The following PACRGL variants were observed in gnomAD, a reference collection of about 807,000 sequenced individuals.
The protein encoded by PACRGL is PACRG-like protein.
A neutral mutation model predicts 34.5 loss-of-function variants in PACRGL; 38 were observed. The observed-to-expected ratio is 1.10, with a 90% confidence interval of 0.85 to 1.44. PACRGL has a LOEUF of 1.44. PACRGL is among the 40% of genes most tolerant of loss of function. The pLI is 0.00. For missense variants in PACRGL, 305 were observed against 281.4 expected, an observed-to-expected ratio of 1.08 and a Z score of -0.60; for synonymous variants, 128 against 100.1, an observed-to-expected ratio of 1.28 and a Z score of -1.66.
At chr4:20,748,638 AGAG>A (rs1752960542) in intron 8 of PACRGL, among the ~76,000 whole-genome samples, 1 of 144,940 alleles carries the variant, frequency 6.9e-6, no homozygotes, top group Non-Finnish European at 1.5e-5. Context: ...TATATGGAAA[AGAG>A]AAACTGGAAT....
rs1234501278 is a variant in PACRGL, at chr4:20,729,778, G to A, written c.*2437G>A. 2 of 263,680 alleles carry A rather than the reference G, an allele frequency of 7.6e-6. No homozygotes were observed. The highest frequency in any genetic ancestry group is 6.7e-5 in the East Asian group (1 of 14,858). 16.3% of individuals were successfully genotyped at this position (263,680 alleles called of 1,614,324 possible). A position where few individuals can be genotyped will look rare whatever the true frequency, so the allele number is the denominator to read the frequency against. ...ATTTTAAAATCACTGATATGTGAAA[G>A]CCTCAATAATCCCATGGCTAAGGAA... On this transcript the variant is annotated 3_prime_UTR_variant, in exon 9 of 9. Transcript: ENST00000503585.
chr4:20,719,597 C>T (rs1236692075), intron 7 of PACRGL, among the ~76,000 whole-genome samples: 1 of 152,356 alleles, frequency 6.6e-6, no homozygotes, highest in Non-Finnish European at 1.5e-5. Flanking sequence ...ATCCAGCAGT[C>T]ATTCCGGAGC....
intron 4 of PACRGL, among the ~76,000 whole-genome samples, chr4:20,708,182 A>G (rs1258474996): frequency 6.6e-6 from 1 of 152,134 alleles, no homozygotes; most frequent in African/African-American, 2.4e-5. Context: ...AAAAAATCCT[A>G]TCTTGTTGGT....
At chr4:20,755,190 AAC>A (rs1754286201), downstream of PACRGL, among the ~76,000 whole-genome samples, 1 of 152,164 alleles carries the variant, frequency 6.6e-6, no homozygotes. Context: ...TTCACTTAAT[AAC>A]AGTCTTCCTG....
chr4:20,702,630 A>G (rs1386852520), intron 1 of PACRGL: 3 of 117,738 alleles, frequency 2.5e-5, no homozygotes, highest in East Asian at 4.1e-4. Context: ...GAGGAAACTG[A>G]TGCATTTTTT....
At chr4:20,740,099 C>T (rs1020392501) in intron 8 of PACRGL, among the ~76,000 whole-genome samples, 1 of 152,184 alleles carries the variant, frequency 6.6e-6, no homozygotes, top group Non-Finnish European at 1.5e-5. Context: ...AAGGCCAAAT[C>T]TACGTCTGAT....
At chr4:20,749,618 A>C (rs1175371495) in intron 8 of PACRGL, 1 of 1,365,696 alleles carries the variant, frequency 7.3e-7, no homozygotes, top group Non-Finnish European at 1.0e-6. Context: ...TAAAAAGACT[A>C]AACTCTAAAT....
intron 8 of PACRGL, 150 bp from the exon 9 acceptor site, chr4:20,727,135 T>C: frequency 1.6e-6 from 1 of 641,072 alleles, no homozygotes; most frequent in Non-Finnish European, 2.7e-6. Context: ...TTTATTTAAC[T>C]CAGCAAAAAG....
chr4:20,721,466 T>G (rs1040650571), intron 7 of PACRGL, among the ~76,000 whole-genome samples: 1 of 152,162 alleles, frequency 6.6e-6, no homozygotes, highest in African/African-American at 2.4e-5. Flanking sequence ...TTATGTACCT[T>G]TGGTCTTTGA....
chr4:20,736,396 AT>A (rs769447689), downstream of PACRGL, among the ~76,000 whole-genome samples: 5 of 152,088 alleles, frequency 3.3e-5, no homozygotes, highest in African/African-American at 4.8e-5. Context: ...TAAATGAGAT[AT>A]TTTTTTCTAT....
chr4:20,751,884 C>T (rs942530214), intron 8 of PACRGL, among the ~76,000 whole-genome samples: 2 of 152,210 alleles, frequency 1.3e-5, no homozygotes, highest in East Asian at 3.9e-4. Context: ...CCAGTCTAGA[C>T]AATCTATGCA....
intron 5 of PACRGL, 41 bp from the exon 6 acceptor site, chr4:20,712,747 G>T (rs758934466): frequency 7.2e-7 from 1 of 1,392,174 alleles, no homozygotes; most frequent in Admixed American, 2.6e-5. Context: ...TTAGCATAAT[G>T]AAATGGGTAG....
At chr4:20,720,449 T>A (rs1742494592) in intron 7 of PACRGL, among the ~76,000 whole-genome samples, 2 of 152,206 alleles carry the variant, frequency 1.3e-5, no homozygotes, top group Admixed American at 6.5e-5. Flanking sequence ...ATTTGGCTTG[T>A]TTTTGCAGTG....
chr4:20,750,099 A>G (rs1380874973), intron 8 of PACRGL, among the ~76,000 whole-genome samples: 1 of 152,218 alleles, frequency 6.6e-6, no homozygotes, highest in African/African-American at 2.4e-5. Flanking sequence ...GTAAAGTACT[A>G]AAAATACTAC....
chr4:20,758,970 G>C, the PACRGL span: 1 of 1,068,042 alleles, frequency 9.4e-7, no homozygotes, highest in Admixed American at 1.8e-5. Context: ...AAACAGAACT[G>C]TCTACCATGC....
upstream of PACRGL, chr4:20,700,379 A>G (rs887199382): frequency 6.6e-6 from 1 of 151,802 alleles, no homozygotes; most frequent in Non-Finnish European, 1.5e-5. Flanking sequence ...ACCTCTTACC[A>G]TTGGTTTAGA....
rs774598405 is a variant in PACRGL at position 20,704,655 on chromosome 4, T to A, written c.53-5T>A. On this transcript the variant is annotated splice_polypyrimidine_tract_variant and splice_region_variant and intron_variant, in intron 2 of 8. Transcript: ENST00000503585. ...GGTTTCTATTGATGTTCTGTTTTTTTCCAGGTAACTATGATCAAAGGACAT... is the reference window on the plus strand; with the variant it reads ...GGTTTCTATTGATGTTCTGTTTTTTACCAGGTAACTATGATCAAAGGACAT... The A allele has an allele frequency of 1.2e-6, 2 of 1,614,064 alleles. No individual in the cohort carries two copies. Among genetic ancestry groups the A allele is most frequent in the Non-Finnish European group, 1.7e-6 (2 of 1,179,950 alleles).
chr4:20,756,443 C>T (rs372319428), downstream of PACRGL, among the ~76,000 whole-genome samples: 2 of 152,084 alleles, frequency 1.3e-5, no homozygotes, highest in African/African-American at 4.8e-5. Context: ...CCTTCTTTAC[C>T]AGTCTTCCCT....
At chr4:20,756,246 C>A (rs1163433818), downstream of PACRGL, among the ~76,000 whole-genome samples, 3 of 151,580 alleles carry the variant, frequency 2.0e-5, no homozygotes, top group African/African-American at 7.3e-5. Flanking sequence ...AAACAGTTGT[C>A]CCCTATATTG....
Sources: gnomAD v4.1 joint callset for allele counts (sites outside exome capture counted in the v4.1 genomes callset) on GRCh38, gnomAD v4.1.1 for gene constraint, MANE v1.5 for transcripts, NCBI Gene and HGNC (gene_info 2026-07-23, HGNC 2026-07-21) for gene names.